Variants in DOT1L observed in about 807,000 individuals in gnomAD.
DOT1L encodes histone-lysine N-methyltransferase, H3 lysine-79 specific.
Under a neutral mutation model 153.3 loss-of-function variants are expected in DOT1L, and 33 were observed. The ratio of observed to expected loss-of-function variants is 0.22; its 90% CI spans 0.16 to 0.29. The LOEUF (loss-of-function observed/expected upper bound fraction) is 0.29, where lower values mean the gene tolerates loss of function less well. Among genes scored for constraint, DOT1L ranks in the 10% least tolerant of loss-of-function variants. The pLI, the probability that DOT1L is intolerant of heterozygous loss-of-function variation, is 1.00. For synonymous variants in DOT1L, 1,135 were observed against 965.1 expected (o/e 1.18, Z -3.26); for missense variants, 1,847 against 2,119.9 (o/e 0.87, Z 2.53).
intron 8 of DOT1L, among the ~76,000 whole-genome samples, chr19:2,202,082 GC>G (rs2023309790): frequency 6.6e-6 from 1 of 152,242 alleles, no homozygotes; most frequent in South Asian, 2.1e-4. Flanking sequence ...CCTGAGCTCA[GC>G]CGACCTCACG....
At position 2,220,097 on chromosome 19, in the gene DOT1L, TC is replaced by T. The variant is rs769948862; in HGVS notation, c.2692-10del. 1.3e-6 allele frequency: 2 copies of T among 1,595,786 alleles called. No individual in the cohort carries two copies. The highest frequency in any genetic ancestry group is 1.3e-5 in the African/African-American group (1 of 74,586). ...CTGCTGCCCCTGACACACAGGGTTT[TC>T]TCTCTGCAGAGGAGCACCCCCAGTC... On this transcript the variant is annotated splice_polypyrimidine_tract_variant and intron_variant, in intron 22 of 27. Transcript: ENST00000398665. This position sits in a 1 kb window ranked among gnomAD's most constrained non-coding sequence, Gnocchi z 4.5.
chr19:2,226,708 T>C lies in DOT1L; in HGVS notation c.4187T>C (p.Leu1396Pro), dbSNP rs758220287. 1.0e-5 allele frequency: 16 copies of C among 1,565,706 alleles called. No homozygotes were observed. Among genetic ancestry groups the C allele is most frequent in the East Asian group, 9.1e-5 (4 of 43,844 alleles). The change falls in exon 27 of 28, where the codon CTG becomes CCG. Residue 1396 changes from leucine to proline, a missense_variant. Leu to Pro is a moderately conservative substitution (Grantham distance 98). This residue lies in a region of DOT1L where 934 missense variants were observed against 825.3 expected (regional missense o/e 1.13). Transcript: ENST00000398665. Reference protein sequence around the residue: ...GKEAGEGGLPLCGPTDKTPLL... With the variant: ...GKEAGEGGLPPCGPTDKTPLL... ...GAGGCAGGGGAGGGCGGCCTACCGC[T>C]GTGCGGGCCCACGGACAAGACCCCA...
Position 2,211,154 on chromosome 19 carries a change from G to A in DOT1L, c.1407G>A (p.Arg469=), listed in dbSNP as rs765709688. ...PFYQLPPSVQ[R]HSPNPLLVAP... is the part of the protein sequence containing the mutation. ...ACCAGCTACCTCCGAGCGTGCAGCG[G>A]CACTCCCCCAACCCGCTGCTGGTGG... The change falls in exon 15 of 28, where the codon CGG becomes CGA. Residue 469 remains arginine (R), a synonymous_variant. Transcript: ENST00000398665. 2.5e-6 allele frequency: 4 copies of A among 1,612,838 alleles called. No homozygotes were observed. In the Admixed American group the frequency reaches 6.7e-5, roughly 27 times the overall value.
At chr19:2,213,433 C>A in intron 16 of DOT1L, 106 bp from the exon 17 acceptor site, 1 of 1,171,200 alleles carries the variant, frequency 8.5e-7, no homozygotes, top group Non-Finnish European at 1.2e-6. Flanking sequence ...GCATGTCTGT[C>A]CTTGAGCGTG....
intron 4 of DOT1L, among the ~76,000 whole-genome samples, 164 bp downstream of exon 4, chr19:2,189,959 G>T (rs1310299127): frequency 1.3e-5 from 2 of 152,202 alleles, no homozygotes; most frequent in Non-Finnish European, 2.9e-5. Flanking sequence ...GTGGTGTGGG[G>T]GCTGCCGAGG....
chr19:2,174,555 G>T (rs4807210), intron 1 of DOT1L, among the ~76,000 whole-genome samples: 1 of 150,968 alleles, frequency 6.6e-6, no homozygotes, highest in Admixed American at 6.6e-5. Context: ...GTGTGGTGGC[G>T]CACGCCTGTA....
intron 1 of DOT1L, among the ~76,000 whole-genome samples, chr19:2,171,633 C>T (rs758034542): frequency 3.3e-5 from 5 of 152,188 alleles, no homozygotes; most frequent in South Asian, 2.1e-4. Context: ...GGTGTCGCTC[C>T]GTGTTCGTGT....
At chr19:2,176,111 G>A (rs1191480907) in intron 1 of DOT1L, among the ~76,000 whole-genome samples, 1 of 152,126 alleles carries the variant, frequency 6.6e-6, no homozygotes, top group African/African-American at 2.4e-5. Flanking sequence ...ACTCTCAGTT[G>A]GGGGTCCTCC....
intron 1 of DOT1L, among the ~76,000 whole-genome samples, chr19:2,174,176 C>T (rs2021793459): frequency 6.6e-6 from 1 of 152,228 alleles, no homozygotes; most frequent in African/African-American, 2.4e-5. Context: ...GAAGCCTTGT[C>T]AGCCATCCTT....
At chr19:2,215,444 G>C (rs2023863747) in intron 19 of DOT1L, 1 of 152,304 alleles carries the variant, frequency 6.6e-6, no homozygotes, top group South Asian at 2.1e-4. Flanking sequence ...GCAGGTCACG[G>C]GCTTTGTTCC....
intron 19 of DOT1L, 195 bp downstream of exon 19, chr19:2,214,791 A>G: frequency 1.4e-6 from 1 of 712,438 alleles, no homozygotes; most frequent in Non-Finnish European, 2.1e-6. Context: ...GCCTCACTCT[A>G]GCCCTCAGCT....
At chr19:2,209,487 A>G (rs2023629710) in intron 12 of DOT1L, among the ~76,000 whole-genome samples, 2 of 152,116 alleles carry the variant, frequency 1.3e-5, no homozygotes, top group Admixed American at 1.3e-4. Flanking sequence ...GGGGCCACAC[A>G]TGTGCGCTTG....
chr19:2,195,982 T>C lies in DOT1L; in HGVS notation c.651+1405T>C, dbSNP rs560884113. On this transcript the variant is annotated intron_variant, in intron 7 of 27. Transcript: ENST00000398665. ...CTCCTCAGCAGGGTGCGTGGAGGCG[T>C]GGCTGGGGCTGTGTGCCCGCCCGTC... is the stretch of plus-strand genomic sequence containing the variant. 3.0e-3 allele frequency among the ~76,000 whole-genome samples: 451 copies of C among 152,350 alleles called. 2 individuals carry two copies. Among genetic ancestry groups the C allele is most frequent in the Middle Eastern group, 0.014 (4 of 294 alleles).
In DOT1L at chr19:2,208,621, G is replaced by A. The variant is rs1386879830; in HGVS notation, c.964-314G>A. 6.6e-6 allele frequency among the ~76,000 whole-genome samples: 1 copy of A among 152,202 alleles called. No homozygotes were observed. The highest frequency in any genetic ancestry group is 1.5e-5 in the Non-Finnish European group (1 of 68,022). On this transcript the variant is annotated intron_variant, in intron 11 of 27. Coordinates refer to ENST00000398665, the MANE Select transcript of DOT1L (RefSeq NM_032482.3). This position sits in a 1 kb window ranked among gnomAD's most constrained non-coding sequence, Gnocchi z 4.4. Reference sequence around the variant, plus strand: ...CGCCTTCTCCTCTGAGGCGGGCGCGGTTCTTCTGTGCAGAAAGCCCTCCCT... The same window carrying A: ...CGCCTTCTCCTCTGAGGCGGGCGCGATTCTTCTGTGCAGAAAGCCCTCCCT...
rs1390224251 is a variant in DOT1L at position 2,191,564 on chromosome 19, A to G, written c.493+324A>G. Among the ~76,000 whole-genome samples the G allele has an allele frequency of 2.6e-5, 4 of 151,922 alleles. No homozygotes were observed. The highest frequency in any genetic ancestry group is 4.8e-5 in the African/African-American group (2 of 41,342). On this transcript the variant is annotated intron_variant, in intron 5 of 27. Coordinates refer to ENST00000398665, the MANE Select transcript of DOT1L (RefSeq NM_032482.3). The surrounding 1 kb of genome is among the most constrained non-coding windows in gnomAD (Gnocchi z 6.8). ...TGCACCCTCTACTGCTCGCTCCCAG[A>G]AGCTGCCACTCGCTAGCCTGGGCCC...
At chr19:2,171,633 C>A (rs758034542) in intron 1 of DOT1L, among the ~76,000 whole-genome samples, 1 of 152,188 alleles carries the variant, frequency 6.6e-6, no homozygotes, top group African/African-American at 2.4e-5. Flanking sequence ...GGTGTCGCTC[C>A]GTGTTCGTGT....
At chr19:2,192,036 A>G (rs556081148) in intron 5 of DOT1L, among the ~76,000 whole-genome samples, 12 of 152,246 alleles carry the variant, frequency 7.9e-5, no homozygotes, top group South Asian at 6.2e-4. Flanking sequence ...CAAGGGTCAG[A>G]CAGTGAAGGC....
At chr19:2,175,950 A>C (rs1430296234) in intron 1 of DOT1L, among the ~76,000 whole-genome samples, 1 of 152,154 alleles carries the variant, frequency 6.6e-6, no homozygotes. Context: ...CCCATAGACC[A>C]GGAGTACGAA....
At chr19:2,214,704 A>C (rs2023836689) in intron 19 of DOT1L, 108 bp downstream of exon 19, 1 of 1,464,998 alleles carries the variant, frequency 6.8e-7, no homozygotes, top group South Asian at 1.3e-5. Context: ...CCTAGGAAGA[A>C]GGTGGAGGAG....
Sources: gnomAD v4.1 joint callset for allele counts (sites outside exome capture counted in the v4.1 genomes callset) on GRCh38, gnomAD v4.1.1 for gene constraint, gnomAD v4.1.1 regional missense constraint, Gnocchi (gnomAD v3.1) non-coding constraint, MANE v1.5 for transcripts, NCBI Gene and HGNC (gene_info 2026-07-23, HGNC 2026-07-21) for gene names.